Variants in DYM observed in about 807,000 individuals in gnomAD.
The protein encoded by DYM is dymeclin.
In DYM, 78 loss-of-function variants were observed where a neutral mutation model predicts 93.1. That is an observed-to-expected ratio of 0.84 (90% confidence interval 0.70 to 1.01). DYM has a LOEUF of 1.01. Among genes scored for constraint, DYM ranks in the 50% least tolerant of loss-of-function variants. The pLI, the probability that DYM is intolerant of heterozygous loss-of-function variation, is 0.00. For missense variants in DYM, 789 were observed against 845.0 expected (o/e 0.93, Z 0.82); for synonymous variants, 321 against 319.7 (o/e 1.00, Z -0.04).
chr18:49,298,009 G>C (rs2060667379), intron 8 of DYM, among the ~76,000 whole-genome samples: 1 of 152,086 alleles, frequency 6.6e-6, no homozygotes, highest in South Asian at 2.1e-4. Context: ...ATAATGCTAG[G>C]AAAGGGGAAA....
intron 13 of DYM, among the ~76,000 whole-genome samples, chr18:49,242,706 T>C (rs548847468): frequency 6.6e-5 from 10 of 152,266 alleles, no homozygotes; most frequent in Admixed American, 5.9e-4. Flanking sequence ...TGTTTGTTTG[T>C]TTTTGTTTTT....
chr18:49,129,119 T>TA lies in DYM; in HGVS notation c.1729-10194dup, dbSNP rs79190958. On this transcript the variant is annotated intron_variant, in intron 15 of 17. Transcript: ENST00000675505. ...AAATAGGGGTGTAATAAGCTCAAGT[T>TA]AAAAAAAAAAAAAAAGAAAAACAGA... Among the ~76,000 whole-genome samples the TA allele has an allele frequency of 4.9e-3, 657 of 132,964 alleles. 2 individuals are homozygous for TA. Among genetic ancestry groups the TA allele is most frequent in the African/African-American group, 0.012 (424 of 36,088 alleles). The allele number at this position is 132,964 out of a possible 152,430, so 87.2% of individuals were successfully genotyped here.
chr18:49,165,113 G>A (rs994486945), intron 14 of DYM, among the ~76,000 whole-genome samples: 1 of 152,086 alleles, frequency 6.6e-6, no homozygotes, highest in Non-Finnish European at 1.5e-5. Context: ...TCATAAGGAA[G>A]TTGGAATGGC....
intron 2 of DYM, among the ~76,000 whole-genome samples, chr18:49,428,578 CG>C (rs1244722748): frequency 6.6e-6 from 1 of 152,060 alleles, no homozygotes; most frequent in African/African-American, 2.4e-5. Context: ...CCCAGTTACT[CG>C]GGAGGCTGAG....
At chr18:49,145,317 C>T (rs2085003460) in intron 15 of DYM, among the ~76,000 whole-genome samples, 1 of 151,550 alleles carries the variant, frequency 6.6e-6, no homozygotes, top group East Asian at 1.9e-4. Context: ...AAGGTATAGC[C>T]TACTAGGAAT....
At chr18:49,359,088 C>T (rs2065810144) in intron 6 of DYM, among the ~76,000 whole-genome samples, 1 of 152,148 alleles carries the variant, frequency 6.6e-6, no homozygotes, top group South Asian at 2.1e-4. Flanking sequence ...GAGCGCTGGG[C>T]TTTTACCTCT....
chr18:49,165,843 C>T (rs574283663), intron 14 of DYM, among the ~76,000 whole-genome samples: 1 of 152,078 alleles, frequency 6.6e-6, no homozygotes, highest in African/African-American at 2.4e-5. Flanking sequence ...ATGAAGGTCA[C>T]CTTAGGCCCT....
At chr18:49,214,519 A>C (rs2092938244) in intron 13 of DYM, among the ~76,000 whole-genome samples, 1 of 152,060 alleles carries the variant, frequency 6.6e-6, no homozygotes, top group Admixed American at 6.6e-5. Flanking sequence ...CTGCTGTCAC[A>C]GAATATACAT....
intron 6 of DYM, among the ~76,000 whole-genome samples, chr18:49,356,292 T>C (rs1378990576): frequency 1.1e-4 from 16 of 152,214 alleles, no homozygotes; most frequent in Non-Finnish European, 1.8e-4. Flanking sequence ...CTTGGTTTTT[T>C]ACCAGGAAAA....
intron 14 of DYM, among the ~76,000 whole-genome samples, chr18:49,202,126 G>T (rs1171432953): frequency 2.6e-5 from 4 of 152,168 alleles, no homozygotes; most frequent in Non-Finnish European, 4.4e-5. Context: ...ACGCACGTTG[G>T]GTAGTCCTAT....
chr18:49,126,883 T>A (rs147735060), intron 15 of DYM, among the ~76,000 whole-genome samples: 2 of 152,228 alleles, frequency 1.3e-5, no homozygotes, highest in Non-Finnish European at 2.9e-5. Context: ...GAACTCATGT[T>A]TCTTAGTTTT....
intron 8 of DYM, among the ~76,000 whole-genome samples, chr18:49,287,277 A>G (rs950627841): frequency 1.3e-5 from 2 of 151,494 alleles, no homozygotes; most frequent in African/African-American, 2.4e-5. Flanking sequence ...TATTATTTCT[A>G]TTTTTTAAAA....
chr18:49,065,948 T>C (rs973527465), intron 17 of DYM, among the ~76,000 whole-genome samples: 5 of 152,264 alleles, frequency 3.3e-5, no homozygotes, highest in African/African-American at 9.6e-5. Context: ...GGAATCCCTT[T>C]AACATTTCTA....
intron 9 of DYM, among the ~76,000 whole-genome samples, chr18:49,285,202 C>A (rs1452466613): frequency 6.6e-6 from 1 of 152,158 alleles, no homozygotes; most frequent in Non-Finnish European, 1.5e-5. Context: ...GTTAGAGCAG[C>A]ACAAATGGAC....
At chr18:49,437,712 A>G (rs1160081898) in intron 1 of DYM, among the ~76,000 whole-genome samples, 1 of 152,192 alleles carries the variant, frequency 6.6e-6, no homozygotes, top group Admixed American at 6.5e-5. Flanking sequence ...TCTACTCCAC[A>G]GCCACCATTG....
At chr18:49,103,987 C>G (rs994454798) in intron 16 of DYM, among the ~76,000 whole-genome samples, 2 of 152,068 alleles carry the variant, frequency 1.3e-5, no homozygotes, top group African/African-American at 2.4e-5. Flanking sequence ...CATTGAATCT[C>G]TAAATTACCT....
chr18:49,139,719 G>A (rs1191808893), intron 15 of DYM, among the ~76,000 whole-genome samples: 1 of 152,112 alleles, frequency 6.6e-6, no homozygotes, highest in Non-Finnish European at 1.5e-5. Context: ...AGTTTTTAGA[G>A]GAAAATCTGG....
intron 15 of DYM, among the ~76,000 whole-genome samples, chr18:49,134,040 A>G (rs1462578742): frequency 1.2e-4 from 18 of 152,228 alleles, no homozygotes; most frequent in Admixed American, 1.2e-3. Flanking sequence ...TTTGAAATGC[A>G]TAAAACAGGA....
chr18:49,328,984 A>G (rs532505323), intron 8 of DYM, among the ~76,000 whole-genome samples: 2,668 of 152,140 alleles, frequency 0.018, 88 homozygotes, highest in African/African-American at 0.061. Flanking sequence ...ACACACACAC[A>G]TATGTTTATT....
Sources: allele counts gnomAD v4.1 joint callset (sites outside exome capture counted in the v4.1 genomes callset), GRCh38; gene constraint gnomAD v4.1.1; transcripts MANE v1.5; gene names NCBI Gene and HGNC (gene_info 2026-07-23, HGNC 2026-07-21).